PTPRD: variants seen among roughly 807,000 people sequenced by gnomAD.
The protein encoded by PTPRD is protein tyrosine phosphatase receptor type D, also known as receptor-type tyrosine-protein phosphatase delta.
Under a neutral mutation model 214.5 loss-of-function variants are expected in PTPRD, and 34 were observed. The ratio of observed to expected loss-of-function variants is 0.16; its 90% CI spans 0.12 to 0.21. The LOEUF is 0.21. Ranked by LOEUF, PTPRD falls within the 10% of genes least tolerant of loss-of-function variation. PTPRD has a pLI of 1.00. For missense variants in PTPRD, 2,545 were observed against 2,398.7 expected (o/e 1.06, Z -1.27); for synonymous variants, 1,128 against 845.7 (o/e 1.33, Z -5.79).
At chr9:8,362,553 G>A (rs958965156) in intron 39 of PTPRD, among the ~76,000 whole-genome samples, 3 of 152,230 alleles carry the variant, frequency 2.0e-5, no homozygotes, top group Non-Finnish European at 4.4e-5. Flanking sequence ...TAGAATTGGA[G>A]TTGGTTCAGG....
At chr9:9,032,895 C>T (rs1431927762) in intron 10 of PTPRD, among the ~76,000 whole-genome samples, 1 of 152,116 alleles carries the variant, frequency 6.6e-6, no homozygotes, top group East Asian at 1.9e-4. Context: ...TCCCTTCCAG[C>T]CGGCCTTCTT....
intron 12 of PTPRD, among the ~76,000 whole-genome samples, chr9:8,711,064 C>T (rs1267026982): frequency 6.6e-6 from 1 of 151,888 alleles, no homozygotes; most frequent in Non-Finnish European, 1.5e-5. Context: ...CCAAAATGTC[C>T]AATTTATAGT....
intron 3 of PTPRD, among the ~76,000 whole-genome samples, chr9:10,142,938 T>G (rs1592247319): frequency 1.3e-5 from 2 of 151,618 alleles, no homozygotes; most frequent in Non-Finnish European, 2.9e-5. Flanking sequence ...TGGAATACTA[T>G]GCAGCCATAA....
In PTPRD at chr9:9,656,204, T is replaced by C. The variant is rs543958557; in HGVS notation, c.-287+78329A>G. ...AAAATGATACAGCCATTTTGGAAGA[T>C]AGTTTGACAGTTTCTTATAAAATTA... On this transcript the variant is annotated intron_variant, in intron 7 of 45. Transcript: ENST00000381196. Among the ~76,000 whole-genome samples the C allele has an allele frequency of 5.4e-3, 829 of 152,324 alleles. 8 individuals carry two copies. The highest frequency in any genetic ancestry group is 9.9e-3 in the Non-Finnish European group (676 of 68,026).
At chr9:8,905,419 A>G (rs1035860486) in intron 11 of PTPRD, among the ~76,000 whole-genome samples, 4 of 151,974 alleles carry the variant, frequency 2.6e-5, no homozygotes, top group African/African-American at 9.7e-5. Context: ...AAAAAAGATG[A>G]GGACTATAAG....
At chr9:9,396,671 A>G (rs1302865683) in intron 9 of PTPRD, among the ~76,000 whole-genome samples, 1 of 151,948 alleles carries the variant, frequency 6.6e-6, no homozygotes, top group Non-Finnish European at 1.5e-5. Flanking sequence ...GGAGGATGCT[A>G]TACAAAGACA....
At chr9:10,601,526 T>C (rs1178982255) in intron 2 of PTPRD, among the ~76,000 whole-genome samples, 6 of 151,838 alleles carry the variant, frequency 4.0e-5, no homozygotes, top group Non-Finnish European at 8.8e-5. Flanking sequence ...TCTTGTACTA[T>C]ATATACTGTA....
intron 9 of PTPRD, among the ~76,000 whole-genome samples, chr9:9,310,048 G>C (rs1412947608): frequency 1.3e-5 from 2 of 152,066 alleles, no homozygotes; most frequent in South Asian, 2.1e-4. Flanking sequence ...TCTACAAATT[G>C]AATGGGAAAA....
chr9:9,288,348 C>T (rs1478284207), intron 9 of PTPRD, among the ~76,000 whole-genome samples: 2 of 151,736 alleles, frequency 1.3e-5, no homozygotes, highest in Admixed American at 6.6e-5. Flanking sequence ...CTACTCTGGA[C>T]CTTTTGCAGT....
At chr9:9,564,247 A>G (rs1421355105) in intron 8 of PTPRD, among the ~76,000 whole-genome samples, 1 of 152,090 alleles carries the variant, frequency 6.6e-6, no homozygotes, top group Non-Finnish European at 1.5e-5. Context: ...TGTGCAAAAG[A>G]AAATCTCCAT....
chr9:9,155,002 A>T (rs1404519888), intron 10 of PTPRD, among the ~76,000 whole-genome samples: 2 of 152,162 alleles, frequency 1.3e-5, no homozygotes, highest in Non-Finnish European at 2.9e-5. Context: ...GTTTTCTTAA[A>T]GTCTGCTTTG....
At chr9:9,419,088 G>A (rs931350177) in intron 8 of PTPRD, among the ~76,000 whole-genome samples, 1 of 147,134 alleles carries the variant, frequency 6.8e-6, no homozygotes, top group African/African-American at 2.5e-5. Flanking sequence ...TGTACAACTG[G>A]GTAAGCTTAG....
intron 11 of PTPRD, among the ~76,000 whole-genome samples, chr9:8,778,200 G>A (rs2095557674): frequency 6.6e-6 from 1 of 152,186 alleles, no homozygotes; most frequent in African/African-American, 2.4e-5. Context: ...GATAGCCACA[G>A]GCTAGACAAT....
chr9:9,210,576 T>G (rs1388128035), intron 9 of PTPRD, among the ~76,000 whole-genome samples: 1 of 152,164 alleles, frequency 6.6e-6, no homozygotes, highest in East Asian at 1.9e-4. Context: ...ATTTAAAACA[T>G]CTCTTACCAT....
intron 21 of PTPRD, among the ~76,000 whole-genome samples, chr9:8,513,344 T>C (rs2097719047): frequency 6.6e-6 from 1 of 152,036 alleles, no homozygotes; most frequent in African/African-American, 2.4e-5. Context: ...ATCCTTCACT[T>C]ATGTCCATCT....
intron 36 of PTPRD, among the ~76,000 whole-genome samples, chr9:8,394,654 G>C (rs1365080412): frequency 6.6e-6 from 1 of 152,116 alleles, no homozygotes; most frequent in African/African-American, 2.4e-5. Context: ...TAAGGTGTCT[G>C]TCTGTGCTAT....
intron 26 of PTPRD, among the ~76,000 whole-genome samples, chr9:8,493,294 C>G (rs2097188314): frequency 6.6e-6 from 1 of 152,186 alleles, no homozygotes; most frequent in Admixed American, 6.6e-5. Context: ...GTATGTTTAC[C>G]TATCTGTGCC....
intron 3 of PTPRD, among the ~76,000 whole-genome samples, chr9:10,244,020 G>C (rs542214969): frequency 2.6e-5 from 3 of 115,540 alleles, no homozygotes; most frequent in African/African-American, 5.3e-5. Flanking sequence ...TTTCTCACAG[G>C]TTTGGGAGGA....
In PTPRD at chr9:9,207,320, A is replaced by T. The variant is rs936440801; in HGVS notation, c.-202-23957T>A. ...GGAGTAGATAGTTGGACATAAGAGC[A>T]TTAAGTTACACATAGAATTCGGGGT... On this transcript the variant is annotated intron_variant, in intron 9 of 45. Coordinates refer to ENST00000381196, the MANE Select transcript of PTPRD (RefSeq NM_002839.4). 2.4e-4 allele frequency among the ~76,000 whole-genome samples: 36 copies of T among 152,330 alleles called. 3 individuals are homozygous for T. The highest frequency in any genetic ancestry group is 1.9e-3 in the Admixed American group (29 of 15,298).
Sources: allele counts gnomAD v4.1 joint callset (sites outside exome capture counted in the v4.1 genomes callset), GRCh38; gene constraint gnomAD v4.1.1; transcripts MANE v1.5; gene names NCBI Gene and HGNC (gene_info 2026-07-23, HGNC 2026-07-21).